The following SGCZ variants were observed in gnomAD, a reference collection of about 807,000 sequenced individuals.
SGCZ encodes zeta-sarcoglycan.
A neutral mutation model predicts 41.3 loss-of-function variants in SGCZ; 40 were observed. That is an observed-to-expected ratio of 0.97 (90% CI 0.75 to 1.26). The LOEUF (loss-of-function observed/expected upper bound fraction) is 1.26, where lower values mean the gene tolerates loss of function less well. SGCZ is among the 50% of genes most tolerant of loss of function. SGCZ has a pLI of 0.00. For synonymous variants in SGCZ, 206 were observed against 137.5 expected (o/e 1.50, Z -3.49); for missense variants, 552 against 369.8 (o/e 1.49, Z -4.04).
intron 4 of SGCZ, among the ~76,000 whole-genome samples, chr8:14,180,472 C>T (rs1258695405): frequency 1.3e-5 from 2 of 151,992 alleles, no homozygotes; most frequent in Non-Finnish European, 1.5e-5. Context: ...CTAGAAAGAA[C>T]GTATCCAACA....
chr8:14,803,007 C>T (rs1192245797), intron 1 of SGCZ, among the ~76,000 whole-genome samples: 3 of 152,172 alleles, frequency 2.0e-5, no homozygotes, highest in African/African-American at 7.2e-5. Context: ...TTGCCCACTG[C>T]TCCCTTGGAA....
At chr8:14,341,936 A>G (rs546597877) in intron 2 of SGCZ, among the ~76,000 whole-genome samples, 1 of 152,286 alleles carries the variant, frequency 6.6e-6, no homozygotes, top group East Asian at 1.9e-4. Context: ...GTGAAAACAG[A>G]ATAATACAGT....
At chr8:14,256,645 T>C (rs1799475586) in intron 3 of SGCZ, among the ~76,000 whole-genome samples, 1 of 152,174 alleles carries the variant, frequency 6.6e-6, no homozygotes, top group African/African-American at 2.4e-5. Context: ...TAGAAAGATG[T>C]AGTTTACCAT....
chr8:14,898,744 T>C lies in SGCZ; in HGVS notation c.39+338841A>G, dbSNP rs914854480. Among the ~76,000 whole-genome samples, 6 of 152,294 alleles carry C rather than the reference T, an allele frequency of 3.9e-5. No homozygotes were observed. The South Asian group carries it at 8.3e-4, about 21-fold the overall frequency. ...AAAGAGCAAGCAAAGGTGCTAGTTTTCAAGATAGAGAATACTAGTTGGAGA... is the reference window on the plus strand; with the variant it reads ...AAAGAGCAAGCAAAGGTGCTAGTTTCCAAGATAGAGAATACTAGTTGGAGA... On this transcript the variant is annotated intron_variant, in intron 1 of 7. Transcript: ENST00000382080.
chr8:14,518,284 A>T (rs1802685111), intron 2 of SGCZ, among the ~76,000 whole-genome samples: 1 of 152,098 alleles, frequency 6.6e-6, no homozygotes, highest in Non-Finnish European at 1.5e-5. Flanking sequence ...ATCAACAAAG[A>T]AAATGACATA....
At chr8:14,382,979 T>A (rs1804426002) in intron 2 of SGCZ, among the ~76,000 whole-genome samples, 2 of 152,250 alleles carry the variant, frequency 1.3e-5, no homozygotes, top group African/African-American at 4.8e-5. Context: ...CTCTGTCCCC[T>A]GAGAGAAAAC....
chr8:14,774,921 T>C (rs2130410601), intron 1 of SGCZ, among the ~76,000 whole-genome samples: 1 of 152,314 alleles, frequency 6.6e-6, no homozygotes, highest in East Asian at 1.9e-4. Context: ...ATTAAGGGCC[T>C]TTGAAGGTTT....
chr8:14,299,048 A>T (rs1801106190), intron 3 of SGCZ, among the ~76,000 whole-genome samples: 1 of 152,062 alleles, frequency 6.6e-6, no homozygotes, highest in Non-Finnish European at 1.5e-5. Context: ...ACTTGTAACA[A>T]AAACTGATTT....
chr8:14,891,204 G>C (rs564337865), intron 1 of SGCZ, among the ~76,000 whole-genome samples: 2 of 152,332 alleles, frequency 1.3e-5, no homozygotes, highest in South Asian at 4.1e-4. Flanking sequence ...AGTTGTCACA[G>C]ATAGTAATTC....
intron 1 of SGCZ, among the ~76,000 whole-genome samples, chr8:14,646,494 T>C (rs1414102549): frequency 6.6e-6 from 1 of 151,872 alleles, no homozygotes; most frequent in East Asian, 1.9e-4. Context: ...GTGTTTTCCT[T>C]CTCATGAATA....
intron 1 of SGCZ, among the ~76,000 whole-genome samples, chr8:14,679,008 C>A (rs1172575971): frequency 6.6e-6 from 1 of 152,104 alleles, no homozygotes; most frequent in Non-Finnish European, 1.5e-5. Context: ...ATGATAGTTG[C>A]CTGTCCTATC....
At chr8:14,529,624 T>C (rs1413221136) in intron 2 of SGCZ, among the ~76,000 whole-genome samples, 1 of 152,146 alleles carries the variant, frequency 6.6e-6, no homozygotes, top group Non-Finnish European at 1.5e-5. Context: ...AATGTACCCA[T>C]ATTACAAAAA....
chr8:14,406,458 A>G (rs1385783338), intron 2 of SGCZ, among the ~76,000 whole-genome samples: 2 of 152,124 alleles, frequency 1.3e-5, no homozygotes, highest in East Asian at 1.9e-4. Flanking sequence ...TCTCTTGTTC[A>G]TTGCTGGGGA....
At chr8:14,091,728 A>C (rs1359207063) in intron 7 of SGCZ, among the ~76,000 whole-genome samples, 1 of 152,182 alleles carries the variant, frequency 6.6e-6, no homozygotes, top group Non-Finnish European at 1.5e-5. Context: ...TCTGGATATT[A>C]ACCGTTTGTC....
At chr8:14,197,120 A>G (rs913571257) in intron 4 of SGCZ, among the ~76,000 whole-genome samples, 1 of 152,188 alleles carries the variant, frequency 6.6e-6, no homozygotes, top group Non-Finnish European at 1.5e-5. Context: ...TTAAATAGCA[A>G]TACAGTTGTT....
intron 1 of SGCZ, among the ~76,000 whole-genome samples, chr8:15,149,286 C>T (rs541342683): frequency 3.9e-5 from 6 of 152,212 alleles, no homozygotes; most frequent in African/African-American, 1.4e-4. Context: ...TGACAAGTAA[C>T]TGGTCACCAA....
chr8:14,586,982 G>C (rs567584847), intron 1 of SGCZ, among the ~76,000 whole-genome samples: 1 of 151,176 alleles, frequency 6.6e-6, no homozygotes, highest in East Asian at 1.9e-4. Flanking sequence ...TATACTCTTT[G>C]GAAAGTCATA....
chr8:14,796,164 G>T (rs187560343), intron 1 of SGCZ, among the ~76,000 whole-genome samples: 13 of 152,262 alleles, frequency 8.5e-5, no homozygotes, highest in African/African-American at 3.1e-4. Flanking sequence ...TAATAGAAGG[G>T]TTTATATTCA....
intron 1 of SGCZ, among the ~76,000 whole-genome samples, chr8:14,742,954 A>C (rs1464445128): frequency 6.6e-6 from 1 of 152,154 alleles, no homozygotes; most frequent in African/African-American, 2.4e-5. Context: ...TTTTCATAGG[A>C]AACTGCGTTT....
Sources: allele counts gnomAD v4.1 joint callset (sites outside exome capture counted in the v4.1 genomes callset), GRCh38; gene constraint gnomAD v4.1.1; transcripts MANE v1.5; gene names NCBI Gene and HGNC (gene_info 2026-07-23, HGNC 2026-07-21).